ZMYND8: variants seen among roughly 807,000 people sequenced by gnomAD.
ZMYND8 encodes the protein MYND-type zinc finger-containing chromatin reader ZMYND8.
In ZMYND8, 37 loss-of-function variants were observed where a neutral mutation model predicts 140.8. That is an observed-to-expected ratio of 0.26 (90% confidence interval 0.20 to 0.35). ZMYND8 has a LOEUF of 0.35. Ranked by LOEUF, ZMYND8 falls within the 10% of genes least tolerant of loss-of-function variation. The pLI is 1.00. For synonymous variants in ZMYND8, 592 were observed against 597.1 expected (o/e 0.99, Z 0.12); for missense variants, 1,068 against 1,570.0 (o/e 0.68, Z 5.40).
chr20:47,324,347 T>C (rs1490490381), intron 2 of ZMYND8, among the ~76,000 whole-genome samples: 1 of 150,932 alleles, frequency 6.6e-6, no homozygotes, highest in Non-Finnish European at 1.5e-5. Flanking sequence ...TAAAACCCCA[T>C]CTCTACTAAA....
intron 2 of ZMYND8, among the ~76,000 whole-genome samples, chr20:47,313,482 C>T (rs907499176): frequency 5.9e-5 from 9 of 151,814 alleles, no homozygotes; most frequent in South Asian, 4.2e-4. Flanking sequence ...ATTAGCCGGG[C>T]GTGGTGGCGG....
At chr20:47,215,171 G>A (rs984969254) in intron 21 of ZMYND8, among the ~76,000 whole-genome samples, 6 of 152,134 alleles carry the variant, frequency 3.9e-5, no homozygotes, top group South Asian at 2.1e-4. Context: ...TCAGGAGTTC[G>A]AGACCAACCT....
rs761571173 is a variant in ZMYND8 at position 47,246,129 on chromosome 20, G to A, written c.2163C>T (p.Val721=). Reference sequence around the variant, plus strand: ...CTGAATCAGAGTCCAGGCCCAAATGGACTGTTGGGGAATCCGTCTCATCTT... The same window carrying A: ...CTGAATCAGAGTCCAGGCCCAAATGAACTGTTGGGGAATCCGTCTCATCTT... ...KGKDETDSPT[V]HLGLDSDSES... is the part of the protein sequence containing the mutation. The change falls in exon 14 of 23, where the codon GTC becomes GTT. Residue 721 remains valine (V), a synonymous_variant. Transcript: ENST00000471951. The A allele has an allele frequency of 1.2e-6, 2 of 1,614,040 alleles. No individual in the cohort carries two copies. The highest frequency in any genetic ancestry group is 1.7e-5 in the Admixed American group (1 of 60,004).
chr20:47,264,723 A>T (rs2075384691), intron 11 of ZMYND8, among the ~76,000 whole-genome samples: 1 of 152,214 alleles, frequency 6.6e-6, no homozygotes, highest in South Asian at 2.1e-4. Flanking sequence ...CATAGAACTG[A>T]AGTGTTTGTT....
chr20:47,256,826 G>T (rs1385301994), intron 12 of ZMYND8, among the ~76,000 whole-genome samples: 3 of 152,126 alleles, frequency 2.0e-5, no homozygotes, highest in Admixed American at 2.0e-4. Context: ...TAACAGTGGA[G>T]AAATAAACAG....
chr20:47,279,424 C>T (rs2076460736), intron 10 of ZMYND8, among the ~76,000 whole-genome samples: 1 of 151,996 alleles, frequency 6.6e-6, no homozygotes, highest in South Asian at 2.1e-4. Context: ...GGCAACAAAG[C>T]GAGACCCCGC....
intron 17 of ZMYND8, among the ~76,000 whole-genome samples, chr20:47,228,705 G>A (rs1461536966): frequency 6.6e-6 from 1 of 152,192 alleles, no homozygotes; most frequent in Non-Finnish European, 1.5e-5. Context: ...TTGCCTTCCT[G>A]AAGATCTTCT....
At chr20:47,233,397 C>T (rs2038808084) in intron 16 of ZMYND8, among the ~76,000 whole-genome samples, 2 of 151,948 alleles carry the variant, frequency 1.3e-5, no homozygotes. Flanking sequence ...TTTGTAAAGA[C>T]AAGATCTCAG....
chr20:47,297,453 G>C (rs2077714737), intron 4 of ZMYND8, among the ~76,000 whole-genome samples: 1 of 150,726 alleles, frequency 6.6e-6, no homozygotes, highest in Non-Finnish European at 1.5e-5. Flanking sequence ...ACATGATCTT[G>C]CTTTATTTCC....
At chr20:47,337,454 C>T (rs2081473952) in intron 2 of ZMYND8, among the ~76,000 whole-genome samples, 1 of 152,148 alleles carries the variant, frequency 6.6e-6, no homozygotes, top group South Asian at 2.1e-4. Context: ...ATCCCTTGAG[C>T]CCACGAGTTC....
chr20:47,307,397 G>A lies in ZMYND8; in HGVS notation c.234+2659C>T, dbSNP rs1179173981. On this transcript the variant is annotated intron_variant, in intron 3 of 22. Transcript: ENST00000471951. ...CGCTTGAACCCAGGAGGCAGAGGTT[G>A]CAGTGAGCTGAGACTACACCACTGC... Among the ~76,000 whole-genome samples, 3 of 152,034 alleles carry A rather than the reference G, an allele frequency of 2.0e-5. No individual in the cohort carries two copies. In the East Asian group the frequency reaches 5.8e-4, roughly 29 times the overall value.
intron 22 of ZMYND8, among the ~76,000 whole-genome samples, chr20:47,211,195 G>T (rs562880566): frequency 6.6e-6 from 1 of 152,182 alleles, no homozygotes; most frequent in South Asian, 2.1e-4. Flanking sequence ...TTCTTGTGCC[G>T]TGTCTGGAAC....
intron 12 of ZMYND8, among the ~76,000 whole-genome samples, chr20:47,255,014 C>T (rs1031282843): frequency 1.2e-4 from 18 of 152,086 alleles, no homozygotes; most frequent in African/African-American, 4.1e-4. Context: ...CGTAGTGGCG[C>T]GCGCCTGTAA....
At chr20:47,217,014 G>C (rs925905234) in intron 21 of ZMYND8, among the ~76,000 whole-genome samples, 2 of 152,136 alleles carry the variant, frequency 1.3e-5, no homozygotes, top group African/African-American at 4.8e-5. Flanking sequence ...TAAATCAAAA[G>C]CGGAAAGCTG....
chr20:47,342,473 G>T (rs1260706137), intron 2 of ZMYND8, among the ~76,000 whole-genome samples: 1 of 151,106 alleles, frequency 6.6e-6, no homozygotes, highest in Non-Finnish European at 1.5e-5. Context: ...CTTGAACCAG[G>T]GAAGTGGAGG....
In ZMYND8 at chr20:47,318,663, A is replaced by T. The variant is rs1187370002; in HGVS notation, c.86-8459T>A. 3 of 449,740 alleles carry T rather than the reference A, an allele frequency of 6.7e-6. No homozygotes were observed. The East Asian group carries it at 2.1e-4, about 31-fold the overall frequency. The allele number at this position is 449,740 out of a possible 1,614,324, so 27.9% of individuals were successfully genotyped here. ...CGCTGACCGTCTCTTAGACCCACAG[A>T]AACTCGAGGACCGGTCTGCACCCTG... On this transcript the variant is annotated intron_variant, in intron 2 of 22. Transcript: ENST00000471951.
chr20:47,211,098 C>T (rs1427492712), intron 22 of ZMYND8, among the ~76,000 whole-genome samples: 1 of 152,118 alleles, frequency 6.6e-6, no homozygotes, highest in Admixed American at 6.6e-5. Context: ...TAGGATTTAA[C>T]GACAACCGGT....
At chr20:47,262,085 T>G (rs1475268092) in intron 12 of ZMYND8, among the ~76,000 whole-genome samples, 1 of 151,550 alleles carries the variant, frequency 6.6e-6, no homozygotes, top group East Asian at 1.9e-4. Flanking sequence ...AAAAAAAAAG[T>G]AATTTGTATG....
At chr20:47,267,642 C>A (rs1266936049) in intron 11 of ZMYND8, among the ~76,000 whole-genome samples, 2 of 152,164 alleles carry the variant, frequency 1.3e-5, no homozygotes, top group Admixed American at 1.3e-4. Context: ...CAGGGCAGAA[C>A]CCCTGAAATG....
Sources: allele counts gnomAD v4.1 joint callset (sites outside exome capture counted in the v4.1 genomes callset), GRCh38; gene constraint gnomAD v4.1.1; transcripts MANE v1.5; gene names NCBI Gene and HGNC (gene_info 2026-07-23, HGNC 2026-07-21).